Variants in HNRNPR observed in about 807,000 individuals in gnomAD.
HNRNPR encodes heterogeneous nuclear ribonucleoprotein R.
In HNRNPR, 4 loss-of-function variants were observed where a neutral mutation model predicts 70.3. The ratio of observed to expected loss-of-function variants is 0.06; its 90% confidence interval spans 0.03 to 0.13. The LOEUF is 0.13. Among genes scored for constraint, HNRNPR ranks in the 10% least tolerant of loss-of-function variants. The pLI, the probability that HNRNPR is intolerant of heterozygous loss-of-function variation, is 1.00. For missense variants in HNRNPR, 423 were observed against 788.5 expected (o/e 0.54, Z 5.55); for synonymous variants, 241 against 267.6 (o/e 0.90, Z 0.97).
At chr1:23,313,432 ATAG>A in intron 9 of HNRNPR, 118 bp downstream of exon 9, 2 of 684,032 alleles carry the variant, frequency 2.9e-6, no homozygotes, top group Non-Finnish European at 5.0e-6. Context: ...CAGAGATTAA[ATAG>A]AAAGAGTTCA....
chr1:23,330,636 G>C (rs1646184166), intron 5 of HNRNPR, among the ~76,000 whole-genome samples: 1 of 152,178 alleles, frequency 6.6e-6, no homozygotes, highest in Non-Finnish European at 1.5e-5. Flanking sequence ...TGAGAGCTCA[G>C]ACACACTAAA....
intron 4 of HNRNPR, 121 bp from the exon 5 acceptor site, chr1:23,333,752 A>G: frequency 2.7e-6 from 1 of 366,444 alleles, no homozygotes; most frequent in Non-Finnish European, 5.0e-6. Context: ...ATGGTTAGGT[A>G]AAAAAAAAAG....
At chr1:23,340,605 C>G (rs1646673906) in intron 2 of HNRNPR, among the ~76,000 whole-genome samples, 1 of 152,098 alleles carries the variant, frequency 6.6e-6, no homozygotes, top group Non-Finnish European at 1.5e-5. Flanking sequence ...GGTGGTAAAT[C>G]TAAGACAAAT....
rs1398122982 is a variant in HNRNPR, at chr1:23,308,716, A to G, written c.*1738T>C. ...TTTGAAAAAGAAATGAAATATATTG[A>G]CTTTCATCAGTAAATAGTAATCTTA... is the stretch of plus-strand genomic sequence containing the variant. On this transcript the variant is annotated 3_prime_UTR_variant, in exon 11 of 11. Transcript: ENST00000302271. 2.0e-5 allele frequency: 3 copies of G among 152,084 alleles called. No homozygotes were observed. The highest frequency in any genetic ancestry group is 4.4e-5 in the Non-Finnish European group (3 of 67,914). 9.4% of individuals were successfully genotyped at this position (152,084 alleles called of 1,614,324 possible).
chr1:23,338,662 G>T, intron 2 of HNRNPR, 54 bp from the exon 3 acceptor site: 1 of 831,562 alleles, frequency 1.2e-6, no homozygotes. Flanking sequence ...GGTAATCTAA[G>T]CTCTACTGAC....
chr1:23,333,140 T>TCA (rs1312267446), intron 5 of HNRNPR, among the ~76,000 whole-genome samples: 2 of 151,754 alleles, frequency 1.3e-5, no homozygotes, highest in African/African-American at 4.8e-5. Context: ...TGAGACCGTG[T>TCA]CACTGCACTC....
At chr1:23,338,000 G>A (rs1646565951) in intron 3 of HNRNPR, 139 bp from the exon 4 acceptor site, 5 of 631,808 alleles carry the variant, frequency 7.9e-6, no homozygotes, top group Admixed American at 5.6e-5. Flanking sequence ...TTGCCGAGTG[G>A]TTACTATGTG....
chr1:23,334,893 A>T (rs1646401353), intron 4 of HNRNPR, among the ~76,000 whole-genome samples: 1 of 152,136 alleles, frequency 6.6e-6, no homozygotes, highest in Non-Finnish European at 1.5e-5. Flanking sequence ...ATCTACCTAG[A>T]AAAGAGAAAT....
At position 23,341,014 on chromosome 1, in the gene HNRNPR, T is replaced by C; in HGVS notation, c.-6A>G. On this transcript the variant is annotated 5_prime_UTR_variant, in exon 2 of 11. The change creates a new upstream start codon in the 5' untranslated region. Coordinates refer to ENST00000302271, the MANE Select transcript of HNRNPR (RefSeq NM_005826.5). ...CCATTCACCTGATTAGCCATTTTAT[T>C]ATGCTGCTGGAAAAAATTCAGGAGC... The C allele has an allele frequency of 1.2e-6, 2 of 1,601,976 alleles. No individual in the cohort carries two copies. The highest frequency in any genetic ancestry group is 1.7e-6 in the Non-Finnish European group (2 of 1,176,062).
At chr1:23,337,628 C>T in intron 4 of HNRNPR, 126 bp downstream of exon 4, 1 of 615,576 alleles carries the variant, frequency 1.6e-6, no homozygotes, top group Non-Finnish European at 2.8e-6. Context: ...CTACTCCAGC[C>T]TGGGCGACAG....
intron 2 of HNRNPR, 30 bp downstream of exon 2, chr1:23,340,822 C>G: frequency 6.4e-7 from 1 of 1,564,680 alleles, no homozygotes; most frequent in East Asian, 2.3e-5. Context: ...ACTTTCATAA[C>G]CAGTCAGAAA....
intron 8 of HNRNPR, among the ~76,000 whole-genome samples, chr1:23,315,947 G>A (rs144583710): frequency 1.3e-3 from 195 of 152,208 alleles, no homozygotes; most frequent in African/African-American, 4.4e-3. Flanking sequence ...ATGATGAAAC[G>A]ATAACATACT....
chr1:23,337,702 T>C (rs754708140), intron 4 of HNRNPR, 52 bp downstream of exon 4: 5 of 1,049,222 alleles, frequency 4.8e-6, no homozygotes, highest in Non-Finnish European at 7.3e-6. Flanking sequence ...AAGAGGCATT[T>C]GACCTCATCA....
intron 2 of HNRNPR, among the ~76,000 whole-genome samples, chr1:23,338,893 A>G (rs555912304): frequency 1.1e-4 from 17 of 152,352 alleles, no homozygotes; most frequent in South Asian, 4.1e-4. Flanking sequence ...CCCCAAAGGT[A>G]TAAGTCTTGA....
chr1:23,305,997 T>C lies in HNRNPR; in HGVS notation c.*4457A>G, dbSNP rs892252475. 2.6e-5 allele frequency: 4 copies of C among 152,192 alleles called. No individual in the cohort carries two copies. The highest frequency in any genetic ancestry group is 9.6e-5 in the African/African-American group (4 of 41,454). 9.4% of individuals were successfully genotyped at this position (152,192 alleles called of 1,614,324 possible). ...GTTTAAGCCCTCCATTCTATCAATG[T>C]CTTCTTGTTTTCACTAAAATTAGTG... On this transcript the variant is annotated 3_prime_UTR_variant, in exon 11 of 11. Transcript: ENST00000302271.
Position 23,337,180 on chromosome 1 carries a change from A to G in HNRNPR, c.384+574T>C, listed in dbSNP as rs962538403. On this transcript the variant is annotated intron_variant, in intron 4 of 10. Transcript: ENST00000302271. The stretch of plus-strand genomic sequence containing the variant: ...TAACTGAACCAAGAGACATTACTGG[A>G]TCAATCCAAGAAACTACCAGCGAAG... Among the ~76,000 whole-genome samples the G allele has an allele frequency of 3.9e-5, 6 of 152,358 alleles. No homozygotes were observed. The East Asian group carries it at 1.2e-3, about 29-fold the overall frequency.
At chr1:23,316,681 C>G (rs1453293331) in intron 8 of HNRNPR, among the ~76,000 whole-genome samples, 1 of 152,108 alleles carries the variant, frequency 6.6e-6, no homozygotes, top group African/African-American at 2.4e-5. Flanking sequence ...TGTGGTGGAT[C>G]TTAGAGATTG....
intron 5 of HNRNPR, among the ~76,000 whole-genome samples, chr1:23,327,037 A>G (rs1029436160): frequency 3.9e-5 from 6 of 152,178 alleles, no homozygotes; most frequent in Non-Finnish European, 8.8e-5. Context: ...GTCTACCTTT[A>G]GAAGAATATA....
chr1:23,341,153 G>C, intron 1 of HNRNPR, 136 bp from the exon 2 acceptor site: 6 of 615,812 alleles, frequency 9.7e-6, no homozygotes, highest in Non-Finnish European at 1.1e-5. Context: ...TATTCCTCCT[G>C]TGATGTATCT....
Sources: allele counts gnomAD v4.1 joint callset (sites outside exome capture counted in the v4.1 genomes callset), GRCh38; gene constraint gnomAD v4.1.1; transcripts MANE v1.5; gene names NCBI Gene and HGNC (gene_info 2026-07-23, HGNC 2026-07-21).